ANO7: variants seen among roughly 807,000 people sequenced by gnomAD.
ANO7 encodes anoctamin-7.
Under a neutral mutation model 115.8 loss-of-function variants are expected in ANO7, and 114 were observed. The ratio of observed to expected loss-of-function variants is 0.98; its 90% CI spans 0.85 to 1.15. The LOEUF (loss-of-function observed/expected upper bound fraction) is 1.15. Ranked by LOEUF, ANO7 falls within the 50% of genes most tolerant of loss-of-function variation. ANO7 has a pLI of 0.00. For missense variants in ANO7, 1,302 were observed against 1,201.2 expected (o/e 1.08, Z -1.24); for synonymous variants, 550 against 498.2 (o/e 1.10, Z -1.38).
intron 22 of ANO7, 38 bp from the exon 23 acceptor site, chr2:241,223,624 G>A (rs2069079690): frequency 6.2e-7 from 1 of 1,603,150 alleles, no homozygotes; most frequent in African/African-American, 1.3e-5. Context: ...GCCACTCTGG[G>A]CGTTTGGGTG....
At chr2:241,205,353 A>G (rs1279817985) in intron 10 of ANO7, among the ~76,000 whole-genome samples, 1 of 150,066 alleles carries the variant, frequency 6.7e-6, no homozygotes, top group Non-Finnish European at 1.5e-5. Flanking sequence ...GGTGGTCAGG[A>G]GTGCTCCCAG....
intron 2 of ANO7, 84 bp from the exon 3 acceptor site, chr2:241,191,110 G>C: frequency 2.7e-6 from 4 of 1,502,004 alleles, no homozygotes; most frequent in Non-Finnish European, 3.7e-6. Context: ...AGGCGAGGAC[G>C]GCTTCAGGGT....
chr2:241,201,539 G>A (rs758126660), intron 7 of ANO7, among the ~76,000 whole-genome samples, 184 bp downstream of exon 7: 1 of 152,236 alleles, frequency 6.6e-6, no homozygotes, highest in Non-Finnish European at 1.5e-5. Flanking sequence ...GCCATGACCT[G>A]GGATTGGGAA....
intron 6 of ANO7, 130 bp from the exon 7 acceptor site, chr2:241,201,168 C>A: frequency 9.5e-7 from 1 of 1,049,510 alleles, no homozygotes; most frequent in Non-Finnish European, 1.3e-6. Context: ...TGTGCTTCTG[C>A]GTGCGCGCCA....
At chr2:241,200,049 C>T (rs2068432004) in intron 5 of ANO7, 40 bp from the exon 6 acceptor site, 1 of 1,603,578 alleles carries the variant, frequency 6.2e-7, no homozygotes, top group African/African-American at 1.3e-5. Flanking sequence ...CATTTGCCCT[C>T]CTCCCGGGAG....
At chr2:241,190,024 A>AC in intron 1 of ANO7, 33 bp from the exon 2 acceptor site, 2 of 1,527,264 alleles carry the variant, frequency 1.3e-6, no homozygotes, top group Non-Finnish European at 1.8e-6. Flanking sequence ...CCCCTCTCTG[A>AC]CCCCCATCCC....
At position 241,203,206 on chromosome 2, in the gene ANO7, C is replaced by A; in HGVS notation, c.724-127C>A. 85 of 580,710 alleles carry A rather than the reference C, an allele frequency of 1.5e-4. No homozygotes were observed. The highest frequency in any genetic ancestry group is 5.3e-4 in the Middle Eastern group (1 of 1,904). 36.0% of individuals were successfully genotyped at this position (580,710 alleles called of 1,614,324 possible). On this transcript the variant is annotated intron_variant, in intron 8 of 24. Transcript: ENST00000674324. The surrounding 1 kb of genome is among the most constrained non-coding windows in gnomAD (Gnocchi z 4.8). ...ACCCCTCCACATTACTCTATTTTTT[C>A]TTCATGGAGCAATCCCAGACTCCCA... is the stretch of plus-strand genomic sequence containing the variant.
At chr2:241,237,078 C>A in the ANO7 span, among the ~76,000 whole-genome samples, 11 of 151,328 alleles carry the variant, frequency 7.3e-5, no homozygotes, top group South Asian at 2.3e-3. Flanking sequence ...CAACTAACTA[C>A]AGCAGAGGCT....
At chr2:241,191,025 C>A (rs553188430) in intron 2 of ANO7, among the ~76,000 whole-genome samples, 169 bp from the exon 3 acceptor site, 2 of 152,348 alleles carry the variant, frequency 1.3e-5, no homozygotes, top group South Asian at 4.1e-4. Flanking sequence ...GGGGCTTCCC[C>A]CTCCACCCCC....
chr2:241,190,155 C>A lies in ANO7; in HGVS notation c.92C>A (p.Thr31Lys). 6.4e-7 allele frequency: 1 copy of A among 1,566,468 alleles called. No homozygotes were observed. The highest frequency in any genetic ancestry group is 8.7e-7 in the Non-Finnish European group (1 of 1,155,642). The change falls in exon 2 of 25, where the codon ACA (threonine) becomes AAA (lysine). Residue 31 changes from threonine to lysine, a missense_variant. Thr to Lys is a moderately conservative substitution (Grantham distance 78). Transcript: ENST00000674324. ...GAGAAGAGGGGCTCTTACGGGAGCA[C>A]AGCCCACGCCTCGGAGGTAACAGCA... ...EAEKRGSYGSTAHASEPGGQQ... is the reference protein window; with the variant it reads ...EAEKRGSYGSKAHASEPGGQQ...
chr2:241,215,710 C>G (rs941838613), intron 18 of ANO7, among the ~76,000 whole-genome samples: 1 of 152,258 alleles, frequency 6.6e-6, no homozygotes, highest in African/African-American at 2.4e-5. Context: ...GAACCCAACA[C>G]GTGGGCCTCC....
intron 19 of ANO7, among the ~76,000 whole-genome samples, chr2:241,216,553 G>A (rs1469429303): frequency 1.3e-5 from 2 of 152,258 alleles, no homozygotes; most frequent in African/African-American, 4.8e-5. Flanking sequence ...GAAGAATTAG[G>A]AGAGCAGGCC....
At position 241,195,802 on chromosome 2, in the gene ANO7, CTT is replaced by C; in HGVS notation, c.269_270del (p.Phe90SerfsTer3). 1 of 1,614,240 alleles carries C rather than the reference CTT, an allele frequency of 6.2e-7. No homozygotes were observed. Among genetic ancestry groups the C allele is most frequent in the South Asian group, 1.1e-5 (1 of 91,084 alleles). On this transcript the variant is annotated frameshift_variant, in exon 4 of 25. Transcript: ENST00000674324. LOFTEE classifies it high-confidence loss of function. ...GACATGCACAGGACCTGGCGGGAGA[CTT>C]TTCTGGATAATCTTCGTGCGGCTGG...
At chr2:241,198,502 C>T (rs990630800) in intron 4 of ANO7, among the ~76,000 whole-genome samples, 5 of 152,290 alleles carry the variant, frequency 3.3e-5, no homozygotes, top group African/African-American at 7.2e-5. Flanking sequence ...CTGCAGGGGA[C>T]GCCGGTGGCC....
In ANO7 at chr2:241,188,779, C is replaced by T; in HGVS notation, c.-8+13C>T. 1 of 1,609,584 alleles carries T rather than the reference C, an allele frequency of 6.2e-7. No individual in the cohort carries two copies. Among genetic ancestry groups the T allele is most frequent in the Non-Finnish European group, 8.5e-7 (1 of 1,177,624 alleles). On this transcript the variant is annotated intron_variant, in intron 1 of 24. Coordinates refer to ENST00000674324, the MANE Select transcript of ANO7 (RefSeq NM_001370694.2). This position sits in a 1 kb window ranked among gnomAD's most constrained non-coding sequence, Gnocchi z 4.3. ...GCCACTGTGCCAGGTGGGGACCCAG[C>T]CTAGACGTGTGGGCCACAGGGAGAA...
Position 241,203,213 on chromosome 2 carries a change from G to T in ANO7, c.724-120G>T. Reference sequence around the variant, plus strand: ...CACATTACTCTATTTTTTCTTCATGGAGCAATCCCAGACTCCCAGGCCTGT... The same window carrying T: ...CACATTACTCTATTTTTTCTTCATGTAGCAATCCCAGACTCCCAGGCCTGT... On this transcript the variant is annotated intron_variant, in intron 8 of 24. Coordinates refer to ENST00000674324, the MANE Select transcript of ANO7 (RefSeq NM_001370694.2). This position sits in a 1 kb window ranked among gnomAD's most constrained non-coding sequence, Gnocchi z 4.8. 3 of 776,520 alleles carry T rather than the reference G, an allele frequency of 3.9e-6. No individual in the cohort carries two copies. Among genetic ancestry groups the T allele is most frequent in the Non-Finnish European group, 5.8e-6 (3 of 520,068 alleles). The allele number at this position is 776,520 out of a possible 1,614,324, so 48.1% of individuals were successfully genotyped here.
At chr2:241,212,459 T>C (rs1339166688) in intron 16 of ANO7, 113 bp from the exon 17 acceptor site, 6 of 1,207,316 alleles carry the variant, frequency 5.0e-6, no homozygotes, top group Non-Finnish European at 6.0e-6. Flanking sequence ...ACGCCACAGT[T>C]CGTGCTTCCT....
chr2:241,200,333 T>C, intron 6 of ANO7, 108 bp downstream of exon 6: 1 of 1,434,518 alleles, frequency 7.0e-7, no homozygotes, highest in African/African-American at 1.4e-5. Context: ...ACCTGGAGTT[T>C]TCGGCAGGGA....
intron 10 of ANO7, 109 bp downstream of exon 10, chr2:241,205,064 G>T (rs1559446598): frequency 2.3e-6 from 2 of 858,564 alleles, no homozygotes; most frequent in East Asian, 2.5e-5. Flanking sequence ...TGGTGCTTGA[G>T]GTGATTGAGG....
Sources: gnomAD v4.1 joint callset for allele counts (sites outside exome capture counted in the v4.1 genomes callset) on GRCh38, gnomAD v4.1.1 for gene constraint, Gnocchi (gnomAD v3.1) non-coding constraint, MANE v1.5 for transcripts, NCBI Gene and HGNC (gene_info 2026-07-23, HGNC 2026-07-21) for gene names.